Variants in SRF observed in about 807,000 individuals in gnomAD.
SRF encodes the protein serum response factor, also known as c-fos serum response element-binding transcription factor.
Under a neutral mutation model 37.1 loss-of-function variants are expected in SRF, and 7 were observed. The ratio of observed to expected loss-of-function variants is 0.19; its 90% CI spans 0.11 to 0.35. SRF has a LOEUF of 0.35. Ranked by LOEUF, SRF falls within the 10% of genes least tolerant of loss-of-function variation. SRF has a pLI of 1.00. For missense variants in SRF, 395 were observed against 694.4 expected, an observed-to-expected ratio of 0.57 and a Z score of 4.85; for synonymous variants, 285 against 310.1, an observed-to-expected ratio of 0.92 and a Z score of 0.85.
At chr6:43,174,616 G>T (rs778339582) in intron 2 of SRF, among the ~76,000 whole-genome samples, 3 of 152,236 alleles carry the variant, frequency 2.0e-5, no homozygotes, top group Non-Finnish European at 4.4e-5. Context: ...TGCTAGGGAT[G>T]CCTGCGCTGT....
chr6:43,179,477 C>T lies in SRF; in HGVS notation c.*287C>T, dbSNP rs561754773. ...CCTCGCCAGCTTGGCTCGATGTTTG[C>T]CATGAGTATTAGCTTACCCAATGGG... is the stretch of plus-strand genomic sequence containing the variant. On this transcript the variant is annotated 3_prime_UTR_variant, in exon 7 of 7. Transcript: ENST00000265354. The surrounding 1 kb of genome is among the most constrained non-coding windows in gnomAD (Gnocchi z 5.3). 2.3e-4 allele frequency: 109 copies of T among 476,368 alleles called. No homozygotes were observed. Among genetic ancestry groups the T allele is most frequent in the African/African-American group, 1.8e-3 (94 of 50,972 alleles). The allele number at this position is 476,368 out of a possible 1,614,324, so 29.5% of individuals were successfully genotyped here. A position where few individuals can be genotyped will look rare whatever the true frequency, so the allele number is the denominator to read the frequency against.
rs1772125205 is a variant in SRF at position 43,172,346 on chromosome 6, A to T, written c.513+177A>T. The T allele has an allele frequency of 5.1e-6, 5 of 984,698 alleles. No homozygotes were observed. Among genetic ancestry groups the T allele is most frequent in the Non-Finnish European group, 4.8e-6 (4 of 829,692 alleles). The allele number at this position is 984,698 out of a possible 1,614,324, so 61.0% of individuals were successfully genotyped here. A position where few individuals can be genotyped will look rare whatever the true frequency, so the allele number is the denominator to read the frequency against. ...CCGAAGGGGAGGGGCCGCCGGGGAA[A>T]TGTGGGGAGAGGGGAGATCCCGCGA... On this transcript the variant is annotated intron_variant, in intron 1 of 6. Coordinates refer to ENST00000265354, the MANE Select transcript of SRF (RefSeq NM_003131.4). This position sits in a 1 kb window ranked among gnomAD's most constrained non-coding sequence, Gnocchi z 5.7.
Position 43,178,593 on chromosome 6 carries a change from C to A in SRF, c.1354+108C>A. 7.1e-7 allele frequency: 1 copy of A among 1,402,746 alleles called. No individual in the cohort carries two copies. The highest frequency in any genetic ancestry group is 1.4e-5 in the African/African-American group (1 of 70,626). 86.9% of individuals were successfully genotyped at this position (1,402,746 alleles called of 1,614,324 possible). ...CACTGATGCCTACAAATATTTCTAC[C>A]CAAATACAACACAGACTTGGATGCT... On this transcript the variant is annotated intron_variant, in intron 5 of 6. Coordinates refer to ENST00000265354, the MANE Select transcript of SRF (RefSeq NM_003131.4). This position sits in a 1 kb window ranked among gnomAD's most constrained non-coding sequence, Gnocchi z 4.3.
At position 43,171,406 on chromosome 6, in the gene SRF, G is replaced by A. The variant is rs1772092040; in HGVS notation, c.-251G>A. The A allele has an allele frequency of 3.9e-6, 1 of 255,396 alleles. No homozygotes were observed. Among genetic ancestry groups the A allele is most frequent in the Non-Finnish European group, 7.2e-6 (1 of 139,662 alleles). The allele number at this position is 255,396 out of a possible 1,614,324, so 15.8% of individuals were successfully genotyped here. ...CCCGGGGGACGCTGACGGCCGCCCG[G>A]CGCGCCGCCCTAGCAGACGGACAGG... On this transcript the variant is annotated 5_prime_UTR_variant, in exon 1 of 7. Transcript: ENST00000265354. This position sits in a 1 kb window ranked among gnomAD's most constrained non-coding sequence, Gnocchi z 6.5.
Position 43,171,497 on chromosome 6 carries a change from C to G in SRF, c.-160C>G. The G allele has an allele frequency of 3.9e-6, 3 of 766,768 alleles. No homozygotes were observed. Among genetic ancestry groups the G allele is most frequent in the Non-Finnish European group, 5.2e-6 (3 of 580,982 alleles). 47.5% of individuals were successfully genotyped at this position (766,768 alleles called of 1,614,324 possible). A position where few individuals can be genotyped will look rare whatever the true frequency, so the allele number is the denominator to read the frequency against. On this transcript the variant is annotated 5_prime_UTR_variant, in exon 1 of 7. Coordinates refer to ENST00000265354, the MANE Select transcript of SRF (RefSeq NM_003131.4). The surrounding 1 kb of genome is among the most constrained non-coding windows in gnomAD (Gnocchi z 6.5). ...CAGGAAAGTGAGGGCCCAGGTCGGC[C>G]CGGGCGTGCAGGGGCCCCGGGTTCG...
intron 4 of SRF, among the ~76,000 whole-genome samples, chr6:43,177,172 G>C (rs1270725611): frequency 6.6e-6 from 1 of 151,384 alleles, no homozygotes; most frequent in Non-Finnish European, 1.5e-5. Flanking sequence ...TTACCTGGGA[G>C]CTTGTTGGAA....
Position 43,179,191 on chromosome 6 carries a change from TC to T in SRF, c.*3del. 6.2e-7 allele frequency: 1 copy of T among 1,614,186 alleles called. No homozygotes were observed. The highest frequency in any genetic ancestry group is 8.5e-7 in the Non-Finnish European group (1 of 1,180,016). ...CGCCCACAGCACCAAGAGTGAATGA[TC>T]CGCCCGCCGCCCTGGACAGATGGCC... On this transcript the variant is annotated 3_prime_UTR_variant, in exon 7 of 7. Coordinates refer to ENST00000265354, the MANE Select transcript of SRF (RefSeq NM_003131.4). The surrounding 1 kb of genome is among the most constrained non-coding windows in gnomAD (Gnocchi z 5.3).
Position 43,175,976 on chromosome 6 carries a change from C to T in SRF, c.1042+9C>T, listed in dbSNP as rs754096646. 28 of 1,608,528 alleles carry T rather than the reference C, an allele frequency of 1.7e-5. No homozygotes were observed. The East Asian group carries it at 3.6e-4, about 21-fold the overall frequency. The stretch of plus-strand genomic sequence containing the variant: ...CTTCACCCTCATGCCTGGTGAGTCA[C>T]GAGGGGCAGGGAGAGATTCGTCCTT... On this transcript the variant is annotated intron_variant, in intron 3 of 6. Coordinates refer to ENST00000265354, the MANE Select transcript of SRF (RefSeq NM_003131.4).
At position 43,171,556 on chromosome 6, in the gene SRF, C is replaced by CA; in HGVS notation, c.-100dup. On this transcript the variant is annotated 5_prime_UTR_variant, in exon 1 of 7. Coordinates refer to ENST00000265354, the MANE Select transcript of SRF (RefSeq NM_003131.4). The surrounding 1 kb of genome is among the most constrained non-coding windows in gnomAD (Gnocchi z 6.5). ...GCCGCGGCAGCGATAGCGGCACTAG[C>CA]AGCAGCGGGAGTGCCGGGTTGAGCC... 2 of 1,137,932 alleles carry CA rather than the reference C, an allele frequency of 1.8e-6. No individual in the cohort carries two copies. The highest frequency in any genetic ancestry group is 2.2e-6 in the Non-Finnish European group (2 of 917,758). The allele number at this position is 1,137,932 out of a possible 1,614,324, so 70.5% of individuals were successfully genotyped here. A position where few individuals can be genotyped will look rare whatever the true frequency, so the allele number is the denominator to read the frequency against.
intron 2 of SRF, among the ~76,000 whole-genome samples, chr6:43,174,447 G>T (rs991178016): frequency 2.6e-5 from 4 of 152,206 alleles, no homozygotes; most frequent in Non-Finnish European, 5.9e-5. Context: ...GGGCTGGGTC[G>T]CCAGGGAGTA....
rs1350200482 is a variant in SRF, at chr6:43,179,580, C to T, written c.*390C>T. ...CCTCCTCTGAGGAAGCAGTTGGGGC[C>T]CTCTTGCCAGCCTCCTTGCTGACCC... On this transcript the variant is annotated 3_prime_UTR_variant, in exon 7 of 7. Transcript: ENST00000265354. This position sits in a 1 kb window ranked among gnomAD's most constrained non-coding sequence, Gnocchi z 5.3. 2 of 254,996 alleles carry T rather than the reference C, an allele frequency of 7.8e-6. No individual in the cohort carries two copies. Among genetic ancestry groups the T allele is most frequent in the Non-Finnish European group, 1.6e-5 (2 of 128,392 alleles). The allele number at this position is 254,996 out of a possible 1,614,324, so 15.8% of individuals were successfully genotyped here.
In SRF at chr6:43,176,659, G is replaced by A; in HGVS notation, c.1154G>A (p.Ser385Asn). The A allele has an allele frequency of 6.2e-7, 1 of 1,614,048 alleles. No individual in the cohort carries two copies. The highest frequency in any genetic ancestry group is 1.3e-5 in the African/African-American group (1 of 75,014). Residue 385 changes from serine (S) to asparagine (N), a missense_variant, in exon 4 of 7, where the codon AGC (serine) becomes AAC (asparagine). Coordinates refer to ENST00000265354, the MANE Select transcript of SRF (RefSeq NM_003131.4). This position sits in a 1 kb window ranked among gnomAD's most constrained non-coding sequence, Gnocchi z 4.0. ...SSTDLTQTSS[S>N]GTVTLPATIM... ...ACAGACCTCACGCAGACCTCCTCCA[G>A]CGGGACAGGTATAGCTCGCAGCCCT...
chr6:43,172,020 G>C lies in SRF; in HGVS notation c.364G>C (p.Gly122Arg). The change falls in exon 1 of 7, where the codon GGG becomes CGG. Residue 122 changes from glycine (G) to arginine (R), a missense_variant. Gly to Arg is a moderately radical substitution (Grantham distance 125). This residue lies in a region of SRF where 134 missense variants were observed against 204.5 expected (regional missense o/e 0.66). Transcript: ENST00000265354. This position sits in a 1 kb window ranked among gnomAD's most constrained non-coding sequence, Gnocchi z 5.7. ...GCCCGAGGCGTCGGCAGCGGCCACC[G>C]GGGGCTACGGGCCGGTGAGCGGCGC... ...GGPEASAAAT[G>R]GYGPVSGAVS... 3 of 1,588,346 alleles carry C rather than the reference G, an allele frequency of 1.9e-6. No individual in the cohort carries two copies. Among genetic ancestry groups the C allele is most frequent in the Non-Finnish European group, 2.6e-6 (3 of 1,168,586 alleles).
Position 43,172,160 on chromosome 6 carries a change from C to T in SRF, c.504C>T (p.Ile168=), listed in dbSNP as rs759400989. ...CCTTCAGCAAGAGGAAGACGGGCATCATGAAGAAGGTACCAAGCCGGGGGG... is the reference window on the plus strand; with the variant it reads ...CCTTCAGCAAGAGGAAGACGGGCATTATGAAGAAGGTACCAAGCCGGGGGG... ...YTTFSKRKTG[I]MKKAYELSTL... Residue 168 remains isoleucine, a synonymous_variant, in exon 1 of 7, where the codon ATC becomes ATT. Transcript: ENST00000265354. The surrounding 1 kb of genome is among the most constrained non-coding windows in gnomAD (Gnocchi z 5.7). The T allele has an allele frequency of 1.6e-5, 25 of 1,610,502 alleles. No homozygotes were observed. The highest frequency in any genetic ancestry group is 3.3e-5 in the Admixed American group (2 of 59,948).
chr6:43,171,660 T>C lies in SRF; in HGVS notation c.4T>C (p.Leu2=), dbSNP rs766522779. 697 of 1,212,056 alleles carry C rather than the reference T, an allele frequency of 5.8e-4. 1 individual carries two copies. Among genetic ancestry groups the C allele is most frequent in the Non-Finnish European group, 6.9e-4 (672 of 973,266 alleles). The allele number at this position is 1,212,056 out of a possible 1,614,324, so 75.1% of individuals were successfully genotyped here. Residue 2 remains leucine, a synonymous_variant, in exon 1 of 7, where the codon TTA becomes CTA. Transcript: ENST00000265354. The surrounding 1 kb of genome is among the most constrained non-coding windows in gnomAD (Gnocchi z 6.5). Reference sequence around the variant, plus strand: ...CCGCCCTCCTGCATCGAGCGCCATGTTACCGACCCAAGCTGGGGCCGCGGC... The same window carrying C: ...CCGCCCTCCTGCATCGAGCGCCATGCTACCGACCCAAGCTGGGGCCGCGGC... The part of the protein sequence containing the change: M[L]PTQAGAAAAL...
In SRF at chr6:43,171,291, G is replaced by A. The variant is rs1010856336; in HGVS notation, c.-366G>A. On this transcript the variant is annotated 5_prime_UTR_variant, in exon 1 of 7. Transcript: ENST00000265354. The surrounding 1 kb of genome is among the most constrained non-coding windows in gnomAD (Gnocchi z 6.5). Reference sequence around the variant, plus strand: ...AGGAAACATTGTATCTCTTTATATGGGGGGAAGGGTCGGGGGATCCCTCCG... The same window carrying A: ...AGGAAACATTGTATCTCTTTATATGAGGGGAAGGGTCGGGGGATCCCTCCG... The A allele has an allele frequency of 6.2e-6, 1 of 160,918 alleles. No homozygotes were observed. The allele number at this position is 160,918 out of a possible 1,614,324, so 10.0% of individuals were successfully genotyped here.
At position 43,176,460 on chromosome 6, in the gene SRF, C is replaced by G. The variant is rs1025194433; in HGVS notation, c.1043-88C>G. 23 of 1,561,842 alleles carry G rather than the reference C, an allele frequency of 1.5e-5. No homozygotes were observed. Among genetic ancestry groups the G allele is most frequent in the Middle Eastern group, 1.8e-4 (1 of 5,608 alleles). ...TGATGGGAGTTGGAGACCAGTGTGCCAGACCCTGGGACTGGGGTGTCCATG... is the reference window on the plus strand; with the variant it reads ...TGATGGGAGTTGGAGACCAGTGTGCGAGACCCTGGGACTGGGGTGTCCATG... On this transcript the variant is annotated intron_variant, in intron 3 of 6. Coordinates refer to ENST00000265354, the MANE Select transcript of SRF (RefSeq NM_003131.4). This position sits in a 1 kb window ranked among gnomAD's most constrained non-coding sequence, Gnocchi z 4.0.
At position 43,179,269 on chromosome 6, in the gene SRF, A is replaced by C; in HGVS notation, c.*79A>C. On this transcript the variant is annotated 3_prime_UTR_variant, in exon 7 of 7. Coordinates refer to ENST00000265354, the MANE Select transcript of SRF (RefSeq NM_003131.4). This position sits in a 1 kb window ranked among gnomAD's most constrained non-coding sequence, Gnocchi z 5.3. ...TTGCCTTTTCACGTTTTCTTTACAC[A>C]CACGTTGACGGGCCGCAGGAGGGAG... 6.7e-7 allele frequency: 1 copy of C among 1,494,502 alleles called. No individual in the cohort carries two copies. The highest frequency in any genetic ancestry group is 9.2e-7 in the Non-Finnish European group (1 of 1,083,922). 92.6% of individuals were successfully genotyped at this position (1,494,502 alleles called of 1,614,324 possible). A position where few individuals can be genotyped will look rare whatever the true frequency, so the allele number is the denominator to read the frequency against.
Position 43,176,610 on chromosome 6 carries a change from G to A in SRF, c.1105G>A (p.Ala369Thr). 2 of 1,614,186 alleles carry A rather than the reference G, an allele frequency of 1.2e-6. No individual in the cohort carries two copies. Among genetic ancestry groups the A allele is most frequent in the Non-Finnish European group, 1.7e-6 (2 of 1,180,024 alleles). ...AIQVHQAPQQ[A>T]SPSRDSSTDL... ...TCAAGTGCACCAGGCCCCACAGCAA[G>A]CGTCTCCCTCCCGTGACAGCAGCAC... The change falls in exon 4 of 7, where the codon GCG becomes ACG. Residue 369 changes from alanine to threonine, a missense_variant. Ala to Thr is a moderately conservative substitution (Grantham distance 58). Coordinates refer to ENST00000265354, the MANE Select transcript of SRF (RefSeq NM_003131.4). The surrounding 1 kb of genome is among the most constrained non-coding windows in gnomAD (Gnocchi z 4.0).
Sources: gnomAD v4.1 joint callset for allele counts (sites outside exome capture counted in the v4.1 genomes callset) on GRCh38, gnomAD v4.1.1 for gene constraint, gnomAD v4.1.1 regional missense constraint, Gnocchi (gnomAD v3.1) non-coding constraint, MANE v1.5 for transcripts, NCBI Gene and HGNC (gene_info 2026-07-23, HGNC 2026-07-21) for gene names.